EFCAB6: variants seen among roughly 807,000 people sequenced by gnomAD.
EFCAB6 encodes the protein EF-hand calcium-binding domain-containing protein 6.
A neutral mutation model predicts 169.8 loss-of-function variants in EFCAB6; 156 were observed. The observed-to-expected ratio is 0.92, with a 90% CI of 0.81 to 1.05. The LOEUF (loss-of-function observed/expected upper bound fraction) is 1.05, where lower values mean the gene tolerates loss of function less well. EFCAB6 is among the 50% of genes least tolerant of loss of function. EFCAB6 has a pLI of 0.00. For synonymous variants in EFCAB6, 698 were observed against 676.4 expected, an observed-to-expected ratio of 1.03 and a Z score of -0.50; for missense variants, 1,800 against 1,829.1, an observed-to-expected ratio of 0.98 and a Z score of 0.29.
At chr22:43,707,998 G>C (rs1011517362) in intron 10 of EFCAB6, among the ~76,000 whole-genome samples, 1 of 143,972 alleles carries the variant, frequency 6.9e-6, no homozygotes, top group African/African-American at 2.6e-5. Context: ...TAGAACACGT[G>C]AAAATTTTAA....
At chr22:43,687,430 A>G in intron 11 of EFCAB6, 41 bp downstream of exon 11, 1 of 1,139,726 alleles carries the variant, frequency 8.8e-7, no homozygotes, top group South Asian at 1.5e-5. Flanking sequence ...ATATTATGAT[A>G]TGTGTAACTA....
intron 10 of EFCAB6, among the ~76,000 whole-genome samples, chr22:43,711,126 TAACTC>T (rs138127150): frequency 0.083 from 12,648 of 152,214 alleles, 643 homozygotes; most frequent in South Asian, 0.17. Context: ...ATATGATTGA[TAACTC>T]TATTAGATGT....
chr22:43,799,733 G>A (rs1392258585), intron 2 of EFCAB6, among the ~76,000 whole-genome samples: 2 of 152,142 alleles, frequency 1.3e-5, no homozygotes, highest in Non-Finnish European at 2.9e-5. Flanking sequence ...ATACAGTGCC[G>A]ACATTATCAT....
intron 20 of EFCAB6, among the ~76,000 whole-genome samples, chr22:43,617,852 C>G (rs1006641639): frequency 6.6e-6 from 1 of 151,956 alleles, no homozygotes; most frequent in Non-Finnish European, 1.5e-5. Context: ...GCCTGTAATC[C>G]CAGCACTTTG....
intron 5 of EFCAB6, among the ~76,000 whole-genome samples, chr22:43,760,305 G>C (rs148430296): frequency 6.6e-6 from 1 of 151,934 alleles, no homozygotes; most frequent in African/African-American, 2.4e-5. Flanking sequence ...ACACTGAAAA[G>C]ATTATTTCAT....
intron 2 of EFCAB6, among the ~76,000 whole-genome samples, chr22:43,786,742 A>G (rs1300921893): frequency 6.6e-6 from 1 of 151,920 alleles, no homozygotes; most frequent in Non-Finnish European, 1.5e-5. Context: ...TAAAATTTAA[A>G]AAAAGAAAGA....
At chr22:43,698,376 G>A (rs970374742) in intron 10 of EFCAB6, among the ~76,000 whole-genome samples, 2 of 152,096 alleles carry the variant, frequency 1.3e-5, no homozygotes, top group Admixed American at 1.3e-4. Context: ...GATTCAAATC[G>A]GGCTTCCTTG....
intron 20 of EFCAB6, among the ~76,000 whole-genome samples, chr22:43,622,410 C>CA (rs2054174275): frequency 6.6e-6 from 1 of 151,958 alleles, no homozygotes; most frequent in Non-Finnish European, 1.5e-5. Context: ...ACTAAAAATA[C>CA]AAAAAATTAG....
intron 24 of EFCAB6, among the ~76,000 whole-genome samples, chr22:43,583,512 C>A (rs1356138501): frequency 6.6e-6 from 1 of 151,828 alleles, no homozygotes; most frequent in Non-Finnish European, 1.5e-5. Context: ...CCAATAAAAT[C>A]ATAGATATGA....
chr22:43,754,816 G>A (rs975914475), intron 6 of EFCAB6, among the ~76,000 whole-genome samples: 1 of 152,146 alleles, frequency 6.6e-6, no homozygotes, highest in Non-Finnish European at 1.5e-5. Context: ...AGTTTAAAGA[G>A]TAAGAAGACA....
intron 1 of EFCAB6, among the ~76,000 whole-genome samples, chr22:43,809,610 G>T (rs9626032): frequency 0.099 from 15,035 of 152,062 alleles, 2,159 homozygotes; most frequent in African/African-American, 0.32. Flanking sequence ...GTTTGGTTTT[G>T]GTTTTGTCTG....
intron 17 of EFCAB6, among the ~76,000 whole-genome samples, chr22:43,643,116 G>A (rs947373770): frequency 1.2e-4 from 18 of 152,168 alleles, no homozygotes; most frequent in African/African-American, 4.3e-4. Context: ...GGATCGCCAC[G>A]AAAGAGCATT....
chr22:43,609,714 G>A (rs1296720362), intron 21 of EFCAB6, among the ~76,000 whole-genome samples: 1 of 152,156 alleles, frequency 6.6e-6, no homozygotes, highest in African/African-American at 2.4e-5. Context: ...TAATAGTAAA[G>A]GTGTCATTTT....
chr22:43,577,075 C>T (rs2050304255), intron 25 of EFCAB6, among the ~76,000 whole-genome samples: 1 of 152,182 alleles, frequency 6.6e-6, no homozygotes, highest in Non-Finnish European at 1.5e-5. Context: ...GAGTCTCGGC[C>T]AGAGCCCGAG....
intron 2 of EFCAB6, among the ~76,000 whole-genome samples, chr22:43,800,833 T>TGAG (rs2062684317): frequency 6.6e-6 from 1 of 152,054 alleles, no homozygotes; most frequent in Non-Finnish European, 1.5e-5. Flanking sequence ...ACCTATAAGA[T>TGAG]ATAGAAAATT....
chr22:43,784,618 T>C lies in EFCAB6; in HGVS notation c.-7-2293A>G, dbSNP rs866677449. Among the ~76,000 whole-genome samples, 97 of 98,724 alleles carry C rather than the reference T, an allele frequency of 9.8e-4. 7 individuals are homozygous for C. The highest frequency in any genetic ancestry group is 1.7e-3 in the Non-Finnish European group (79 of 47,818). 64.8% of individuals were successfully genotyped at this position (98,724 alleles called of 152,430 possible). On this transcript the variant is annotated intron_variant, in intron 2 of 31. Transcript: ENST00000262726. ...ATATATACACATATATATGTGTATA[T>C]ATACACATATATATGTATATGTACA...
At chr22:43,677,903 T>C (rs1301552606) in intron 13 of EFCAB6, 93 bp downstream of exon 13, 4 of 1,305,600 alleles carry the variant, frequency 3.1e-6, no homozygotes, top group Non-Finnish European at 3.1e-6. Flanking sequence ...CGTTAATTTA[T>C]TTAAACCATA....
intron 17 of EFCAB6, among the ~76,000 whole-genome samples, chr22:43,662,751 C>A (rs1479068302): frequency 6.6e-6 from 1 of 152,206 alleles, no homozygotes; most frequent in Non-Finnish European, 1.5e-5. Context: ...AATTACTCAG[C>A]AAACCTAGTC....
intron 17 of EFCAB6, among the ~76,000 whole-genome samples, chr22:43,654,243 C>T (rs2056622414): frequency 6.6e-6 from 1 of 152,180 alleles, no homozygotes; most frequent in Admixed American, 6.5e-5. Context: ...CCAAATAACA[C>T]CTGTTGTTGT....
Sources: allele counts gnomAD v4.1 joint callset (sites outside exome capture counted in the v4.1 genomes callset), GRCh38; gene constraint gnomAD v4.1.1; transcripts MANE v1.5; gene names NCBI Gene and HGNC (gene_info 2026-07-23, HGNC 2026-07-21).